Variants in STK33 observed in about 807,000 individuals in gnomAD.
The protein encoded by STK33 is serine/threonine-protein kinase 33.
Under a neutral mutation model 58.0 loss-of-function variants are expected in STK33, and 52 were observed. The ratio of observed to expected loss-of-function variants is 0.90; its 90% CI spans 0.72 to 1.13. The LOEUF (loss-of-function observed/expected upper bound fraction) is 1.13, where lower values mean the gene tolerates loss of function less well. Among genes scored for constraint, STK33 ranks in the 50% most tolerant of loss-of-function variants. STK33 has a pLI of 0.00. For synonymous variants in STK33, 215 were observed against 200.1 expected, an observed-to-expected ratio of 1.07 and a Z score of -0.63; for missense variants, 630 against 604.2, an observed-to-expected ratio of 1.04 and a Z score of -0.45.
intron 1 of STK33, among the ~76,000 whole-genome samples, chr11:8,590,215 T>C (rs1310698073): frequency 6.6e-6 from 1 of 152,206 alleles, no homozygotes; most frequent in East Asian, 1.9e-4. Context: ...TGAATTAATA[T>C]GTGTGAGTCC....
chr11:8,546,720 T>A (rs1447452664), intron 1 of STK33, among the ~76,000 whole-genome samples: 1 of 152,146 alleles, frequency 6.6e-6, no homozygotes, highest in Non-Finnish European at 1.5e-5. Flanking sequence ...TTATTTAAGA[T>A]AATGACCTCC....
chr11:8,561,741 T>C (rs888649041), intron 1 of STK33, among the ~76,000 whole-genome samples: 1 of 152,194 alleles, frequency 6.6e-6, no homozygotes, highest in African/African-American at 2.4e-5. Flanking sequence ...TAAGCCTAAC[T>C]TGAAATAGTT....
chr11:8,342,657 G>C, the STK33 span, among the ~76,000 whole-genome samples: 1 of 152,178 alleles, frequency 6.6e-6, no homozygotes, highest in Non-Finnish European at 1.5e-5. Context: ...TAATCTGCAT[G>C]ACATGCTTAT....
chr11:8,510,568 T>G (rs566407873), intron 1 of STK33, among the ~76,000 whole-genome samples: 5 of 152,208 alleles, frequency 3.3e-5, no homozygotes, highest in Non-Finnish European at 7.4e-5. Flanking sequence ...AGTCATGAAT[T>G]ATTTGCCTAA....
chr11:8,349,580 T>C, the STK33 span, among the ~76,000 whole-genome samples: 1 of 152,202 alleles, frequency 6.6e-6, no homozygotes, highest in Non-Finnish European at 1.5e-5. Context: ...CCACCTCACA[T>C]TCAATTCTCT....
At chr11:8,465,336 TA>T (rs59335102) in intron 6 of STK33, 4,646 of 143,042 alleles carry the variant, frequency 0.032, 61 homozygotes, top group East Asian at 0.05. Flanking sequence ...CCTTTTGCTT[TA>T]AAAAAAAAAA....
chr11:8,440,322 G>C (rs575333403), intron 12 of STK33, among the ~76,000 whole-genome samples: 1 of 152,038 alleles, frequency 6.6e-6, no homozygotes, highest in African/African-American at 2.4e-5. Context: ...CCAGGCCACA[G>C]TACCTCCCTA....
rs368097911 is a variant in STK33, at chr11:8,473,160, T to C, written c.339+3A>G. ...ACAGTAGCTTCATTTGCTTTCTATATACCTCAATAGCAGCTCCATTCTCAA... is the reference window on the plus strand; with the variant it reads ...ACAGTAGCTTCATTTGCTTTCTATACACCTCAATAGCAGCTCCATTCTCAA... On this transcript the variant is annotated splice_donor_region_variant and intron_variant, in intron 6 of 15. Transcript: ENST00000687296. 1 of 1,599,180 alleles carries C rather than the reference T, an allele frequency of 6.3e-7. No homozygotes were observed. Among genetic ancestry groups the C allele is most frequent in the African/African-American group, 1.3e-5 (1 of 74,392 alleles).
intron 15 of STK33, among the ~76,000 whole-genome samples, chr11:8,399,311 A>T (rs973159145): frequency 1.3e-5 from 2 of 152,144 alleles, no homozygotes; most frequent in African/African-American, 4.8e-5. Flanking sequence ...GGATTAAGAA[A>T]CTCACTCAAA....
intron 1 of STK33, among the ~76,000 whole-genome samples, chr11:8,573,601 A>G (rs1385355713): frequency 1.3e-5 from 2 of 152,226 alleles, no homozygotes; most frequent in African/African-American, 4.8e-5. Context: ...AAGAAATGAT[A>G]ACTTATGTTC....
intron 1 of STK33, among the ~76,000 whole-genome samples, chr11:8,534,752 T>G (rs949330103): frequency 6.6e-6 from 1 of 152,050 alleles, no homozygotes; most frequent in African/African-American, 2.4e-5. Context: ...TTATACTGTT[T>G]TGAGTGGCAT....
At chr11:8,574,631 C>A (rs1958050853) in intron 1 of STK33, among the ~76,000 whole-genome samples, 1 of 152,012 alleles carries the variant, frequency 6.6e-6, no homozygotes, top group Non-Finnish European at 1.5e-5. Context: ...TACCATGTTA[C>A]CAAAACCAAA....
intron 1 of STK33, among the ~76,000 whole-genome samples, chr11:8,484,869 G>C (rs1950092867): frequency 6.6e-6 from 1 of 152,112 alleles, no homozygotes; most frequent in African/African-American, 2.4e-5. Context: ...CCCAAGAAAA[G>C]GCAATAAGCC....
intron 8 of STK33, 143 bp from the exon 9 acceptor site, chr11:8,457,622 A>G: frequency 1.4e-6 from 1 of 709,224 alleles, no homozygotes; most frequent in Admixed American, 3.0e-5. Context: ...AAGATACCAT[A>G]CTGGATACTA....
chr11:8,435,161 T>C (rs1020188524), intron 14 of STK33, among the ~76,000 whole-genome samples: 1 of 152,198 alleles, frequency 6.6e-6, no homozygotes, highest in African/African-American at 2.4e-5. Context: ...GTGGTTCCAG[T>C]GTTTTACATC....
At chr11:8,444,475 T>C (rs944155639) in intron 11 of STK33, among the ~76,000 whole-genome samples, 4 of 152,174 alleles carry the variant, frequency 2.6e-5, no homozygotes, top group African/African-American at 9.7e-5. Flanking sequence ...GTATTTTTAA[T>C]ACCTAGAACA....
the STK33 span, among the ~76,000 whole-genome samples, chr11:8,379,368 G>C: frequency 6.6e-6 from 1 of 152,152 alleles, no homozygotes; most frequent in Admixed American, 6.5e-5. Flanking sequence ...ACCCACAGAA[G>C]GGGAGAAAAT....
In STK33 at chr11:8,518,380, CA is replaced by C. The variant is rs574499459; in HGVS notation, c.-465-37767del. ...AAGGAACAACCGGTACCAGCCACTG[CA>C]AAAAACATGCCAAATTGTAAAGACC... On this transcript the variant is annotated intron_variant, in intron 1 of 15. Coordinates refer to ENST00000687296, the MANE Select transcript of STK33 (RefSeq NM_001352389.2). 4.1e-3 allele frequency among the ~76,000 whole-genome samples: 619 copies of C among 152,220 alleles called. 5 individuals are homozygous for C. Among genetic ancestry groups the C allele is most frequent in the African/African-American group, 0.014 (592 of 41,536 alleles).
chr11:8,389,343 C>T (rs535170667), downstream of STK33, among the ~76,000 whole-genome samples: 1 of 152,322 alleles, frequency 6.6e-6, no homozygotes, highest in African/African-American at 2.4e-5. Flanking sequence ...CTCTCATCTC[C>T]CCTTGGTGCC....
Sources: allele counts gnomAD v4.1 joint callset (sites outside exome capture counted in the v4.1 genomes callset), GRCh38; gene constraint gnomAD v4.1.1; transcripts MANE v1.5; gene names NCBI Gene and HGNC (gene_info 2026-07-23, HGNC 2026-07-21).